Variants in SEMA5A observed in about 807,000 individuals in gnomAD.
SEMA5A encodes the protein semaphorin-5A.
In SEMA5A, 55 loss-of-function variants were observed where a neutral mutation model predicts 135.5. That is an observed-to-expected ratio of 0.41 (90% confidence interval 0.33 to 0.51). The LOEUF (loss-of-function observed/expected upper bound fraction) is 0.51. SEMA5A is among the 20% of genes least tolerant of loss of function. The pLI, the probability that SEMA5A is intolerant of heterozygous loss-of-function variation, is 0.37. For missense variants in SEMA5A, 1,290 were observed against 1,419.9 expected (o/e 0.91, Z 1.47); for synonymous variants, 580 against 546.5 (o/e 1.06, Z -0.85).
chr5:9,511,692 G>A (rs140249780), intron 1 of SEMA5A, among the ~76,000 whole-genome samples: 171 of 152,110 alleles, frequency 1.1e-3, no homozygotes, highest in African/African-American at 3.9e-3. Context: ...GGTTTTAAGT[G>A]ATCTCACCAC....
At chr5:9,517,282 T>C (rs1003383797) in intron 1 of SEMA5A, 1 of 152,232 alleles carries the variant, frequency 6.6e-6, no homozygotes, top group African/African-American at 2.4e-5. Context: ...ATTCATGTGG[T>C]CTGTTCACTA....
At chr5:9,228,843 T>G (rs1357948902) in intron 6 of SEMA5A, among the ~76,000 whole-genome samples, 2 of 152,224 alleles carry the variant, frequency 1.3e-5, no homozygotes. Flanking sequence ...GATGTAATGG[T>G]ATAGCTCATC....
intron 12 of SEMA5A, among the ~76,000 whole-genome samples, chr5:9,153,661 CCTT>C (rs1391741503): frequency 7.9e-5 from 12 of 152,038 alleles, no homozygotes; most frequent in Non-Finnish European, 1.6e-4. Context: ...ATCAACCACT[CCTT>C]CTTCTCAAGG....
intron 11 of SEMA5A, among the ~76,000 whole-genome samples, chr5:9,169,389 A>G (rs1743788850): frequency 6.6e-6 from 1 of 152,172 alleles, no homozygotes; most frequent in Non-Finnish European, 1.5e-5. Context: ...TCCTCTCTCC[A>G]TGCTTGCTTA....
chr5:9,169,349 T>C (rs1272721153), intron 11 of SEMA5A, among the ~76,000 whole-genome samples: 2 of 152,214 alleles, frequency 1.3e-5, no homozygotes, highest in East Asian at 1.9e-4. Context: ...GTTTCTCCTA[T>C]ATCTTGAATC....
At chr5:9,483,496 A>G (rs1759958414) in intron 1 of SEMA5A, among the ~76,000 whole-genome samples, 1 of 152,244 alleles carries the variant, frequency 6.6e-6, no homozygotes, top group African/African-American at 2.4e-5. Context: ...CAAGCTCTGC[A>G]TGCATAAAGA....
At chr5:9,337,899 C>G in intron 3 of SEMA5A, 87 bp from the exon 4 acceptor site, 1 of 881,628 alleles carries the variant, frequency 1.1e-6, no homozygotes, top group Non-Finnish European at 1.7e-6. Flanking sequence ...AGGTAGCAGA[C>G]GTTACATTTC....
At chr5:9,332,240 G>T (rs1254915326) in intron 4 of SEMA5A, among the ~76,000 whole-genome samples, 2 of 151,698 alleles carry the variant, frequency 1.3e-5, no homozygotes, top group Admixed American at 1.3e-4. Flanking sequence ...GGTGTGTGAG[G>T]TATGCAGCTA....
chr5:9,257,463 C>A (rs1182284245), intron 5 of SEMA5A, among the ~76,000 whole-genome samples: 1 of 150,564 alleles, frequency 6.6e-6, no homozygotes, highest in Non-Finnish European at 1.5e-5. Flanking sequence ...TTTTTCCATT[C>A]TACATTAAAT....
At chr5:9,044,231 G>A (rs1489316874) in intron 22 of SEMA5A, 142 bp downstream of exon 22, 2 of 711,454 alleles carry the variant, frequency 2.8e-6, no homozygotes, top group Non-Finnish European at 4.8e-6. Context: ...AAGTCGTAAG[G>A]ACTAAAGATG....
intron 1 of SEMA5A, among the ~76,000 whole-genome samples, chr5:9,471,596 G>A (rs540859599): frequency 4.6e-5 from 7 of 152,246 alleles, no homozygotes; most frequent in Admixed American, 2.0e-4. Context: ...AAAGTAACCC[G>A]TCCGATTAGA....
Position 9,237,830 on chromosome 5 carries a change from T to C in SEMA5A, c.331A>G (p.Lys111Glu). 1 of 1,613,596 alleles carries C rather than the reference T, an allele frequency of 6.2e-7. No homozygotes were observed. The highest frequency in any genetic ancestry group is 1.1e-5 in the South Asian group (1 of 91,060). The change falls in exon 6 of 23, where the codon AAG (lysine) becomes GAG (glutamate). Residue 111 changes from lysine to glutamate, a missense_variant and splice_region_variant. Coordinates refer to ENST00000382496, the MANE Select transcript of SEMA5A (RefSeq NM_003966.3). ...KKACYSKGKS[K>E]EECQNYIRVL... ...GCTCATAATTGCATTCTTCTTACCT[T>C]TGATTTGCCTTTGCTGTAACAGGCC... is the stretch of plus-strand genomic sequence containing the variant.
intron 1 of SEMA5A, among the ~76,000 whole-genome samples, chr5:9,534,084 C>G (rs1460052666): frequency 6.6e-6 from 1 of 152,188 alleles, no homozygotes; most frequent in Non-Finnish European, 1.5e-5. Flanking sequence ...GATTAGTGTT[C>G]ATAGGTTTAG....
Position 9,279,853 on chromosome 5 carries a change from C to A in SEMA5A, c.270+38519G>T, listed in dbSNP as rs931060649. Among the ~76,000 whole-genome samples, 9 of 152,108 alleles carry A rather than the reference C, an allele frequency of 5.9e-5. No individual in the cohort carries two copies. In the East Asian group the frequency reaches 1.7e-3, roughly 29 times the overall value. On this transcript the variant is annotated intron_variant, in intron 5 of 22. Transcript: ENST00000382496. ...CTCCAAGCCATGCTTCCTGTTAAGC[C>A]CATGGAACTATGAGTCAATTAAACC...
chr5:9,214,100 A>G (rs1472974506), intron 8 of SEMA5A, among the ~76,000 whole-genome samples: 1 of 152,238 alleles, frequency 6.6e-6, no homozygotes, highest in Non-Finnish European at 1.5e-5. Flanking sequence ...AAATCAAGCA[A>G]AGTGAGGACA....
chr5:9,291,439 G>A (rs1015541259), intron 5 of SEMA5A, among the ~76,000 whole-genome samples: 1 of 152,110 alleles, frequency 6.6e-6, no homozygotes, highest in African/African-American at 2.4e-5. Context: ...GGCCTTAACT[G>A]GCCTGGAAGC....
At chr5:9,470,956 C>T (rs140535270) in intron 1 of SEMA5A, among the ~76,000 whole-genome samples, 170 of 152,168 alleles carry the variant, frequency 1.1e-3, no homozygotes, top group African/African-American at 3.8e-3. Context: ...CTGGAAAAAG[C>T]GATCCTAGTT....
intron 11 of SEMA5A, among the ~76,000 whole-genome samples, chr5:9,183,434 C>T (rs2150332897): frequency 6.6e-6 from 1 of 152,296 alleles, no homozygotes; most frequent in East Asian, 1.9e-4. Flanking sequence ...CTCCCAGAAG[C>T]GTGCGATCTC....
intron 16 of SEMA5A, among the ~76,000 whole-genome samples, chr5:9,103,582 T>C (rs1331634058): frequency 6.6e-6 from 1 of 152,180 alleles, no homozygotes; most frequent in African/African-American, 2.4e-5. Flanking sequence ...AATCATAGCT[T>C]GTGGTCAATT....
Sources: allele counts gnomAD v4.1 joint callset (sites outside exome capture counted in the v4.1 genomes callset), GRCh38; gene constraint gnomAD v4.1.1; transcripts MANE v1.5; gene names NCBI Gene and HGNC (gene_info 2026-07-23, HGNC 2026-07-21).